CPNE4: variants seen among roughly 807,000 people sequenced by gnomAD.
CPNE4 encodes the protein copine-4.
CPNE4 carries 25 observed loss-of-function variants against 67.9 expected under a neutral mutation model. The ratio of observed to expected loss-of-function variants is 0.37; its 90% CI spans 0.27 to 0.51. The LOEUF (loss-of-function observed/expected upper bound fraction) is 0.51. CPNE4 is among the 20% of genes least tolerant of loss of function. The probability of loss-of-function intolerance (pLI) is 0.93; values close to 1 mark genes in which losing one functional copy is unlikely to be tolerated. For missense variants in CPNE4, 464 were observed against 690.8 expected (o/e 0.67, Z 3.68); for synonymous variants, 242 against 244.9 (o/e 0.99, Z 0.11).
chr3:131,777,222 A>T (rs1047249133), intron 2 of CPNE4, among the ~76,000 whole-genome samples: 4 of 151,974 alleles, frequency 2.6e-5, no homozygotes, highest in Non-Finnish European at 5.9e-5. Context: ...TTTGAACCTA[A>T]CCTCTCCTGA....
chr3:131,900,710 T>C (rs886518494), intron 2 of CPNE4, among the ~76,000 whole-genome samples: 1 of 152,050 alleles, frequency 6.6e-6, no homozygotes, highest in Non-Finnish European at 1.5e-5. Context: ...GGAAATAACA[T>C]AAGTGGATGG....
chr3:132,009,995 A>G (rs2073710301), intron 1 of CPNE4, among the ~76,000 whole-genome samples: 1 of 152,228 alleles, frequency 6.6e-6, no homozygotes, highest in Non-Finnish European at 1.5e-5. Flanking sequence ...CTAAACAGAT[A>G]AGGAAGTGCC....
chr3:131,632,952 C>G (rs2079271010), intron 7 of CPNE4, among the ~76,000 whole-genome samples: 1 of 152,154 alleles, frequency 6.6e-6, no homozygotes, highest in African/African-American at 2.4e-5. Flanking sequence ...TCCCGTATCT[C>G]TCCAGTCCAG....
rs2083761542 is a variant in CPNE4, at chr3:131,792,621, A to ATATATATATACACACGTGTATATATG, written c.181-69022_181-68997dup. On this transcript the variant is annotated intron_variant, in intron 2 of 15. Coordinates refer to ENST00000429747, the MANE Select transcript of CPNE4 (RefSeq NM_130808.3). Reference sequence around the variant, plus strand: ...TGTATATGTGTGTGTGTATATATGTATATATATATACACACGTGTATATAT... The same window carrying ATATATATATACACACGTGTATATATG: ...TGTATATGTGTGTGTGTATATATGTATATATATATACACACGTGTATATATGTATATATATACACACGTGTATATAT... Among the ~76,000 whole-genome samples, 5 of 60,894 alleles carry ATATATATATACACACGTGTATATATG rather than the reference A, an allele frequency of 8.2e-5. 1 individual carries two copies. The highest frequency in any genetic ancestry group is 6.1e-4 in the South Asian group (1 of 1,630). The allele number at this position is 60,894 out of a possible 152,430, so 39.9% of individuals were successfully genotyped here. A position where few individuals can be genotyped will look rare whatever the true frequency, so the allele number is the denominator to read the frequency against.
rs1157512448 is a variant in CPNE4 at position 132,030,122 on chromosome 3, G to A, written c.-2+4445C>T. On this transcript the variant is annotated intron_variant, in intron 1 of 15. Coordinates refer to ENST00000429747, the MANE Select transcript of CPNE4 (RefSeq NM_130808.3). The stretch of plus-strand genomic sequence containing the variant: ...TCTAATGGAGGTGGGAGACACCCCC[G>A]CAATCATCCCTAACTCATACTTAAT... Among the ~76,000 whole-genome samples, 9 of 152,128 alleles carry A rather than the reference G, an allele frequency of 5.9e-5. No individual in the cohort carries two copies. In the South Asian group the frequency reaches 1.7e-3, roughly 28 times the overall value.
chr3:131,704,715 A>C (rs558746059), intron 3 of CPNE4, among the ~76,000 whole-genome samples: 1 of 152,194 alleles, frequency 6.6e-6, no homozygotes, highest in African/African-American at 2.4e-5. Flanking sequence ...ATGATCATTT[A>C]TGAAATGTCA....
intron 7 of CPNE4, among the ~76,000 whole-genome samples, chr3:131,603,904 G>T (rs1939353534): frequency 6.6e-6 from 1 of 152,110 alleles, no homozygotes; most frequent in Non-Finnish European, 1.5e-5. Context: ...AGGGGCTAAA[G>T]GCTGTCTTAC....
At chr3:131,680,921 G>C (rs1473403761) in intron 6 of CPNE4, among the ~76,000 whole-genome samples, 2 of 152,038 alleles carry the variant, frequency 1.3e-5, no homozygotes, top group East Asian at 1.9e-4. Context: ...TATAATATTT[G>C]GTTTTCCATT....
chr3:132,033,910 A>T (rs2074293871), intron 1 of CPNE4, among the ~76,000 whole-genome samples: 2 of 152,190 alleles, frequency 1.3e-5, no homozygotes, highest in Non-Finnish European at 2.9e-5. Context: ...TGGTCCCTCC[A>T]GTCCCGTCCC....
chr3:131,685,291 T>C (rs1057193293), intron 6 of CPNE4, among the ~76,000 whole-genome samples: 1 of 152,136 alleles, frequency 6.6e-6, no homozygotes, highest in East Asian at 1.9e-4. Flanking sequence ...CATTAAATGA[T>C]AGCTAGTATT....
chr3:131,908,969 G>A (rs200731217), intron 1 of CPNE4, among the ~76,000 whole-genome samples: 1 of 152,126 alleles, frequency 6.6e-6, no homozygotes, highest in East Asian at 1.9e-4. Flanking sequence ...TATTGTTATT[G>A]TGCTCTGACT....
intron 7 of CPNE4, among the ~76,000 whole-genome samples, chr3:131,595,149 A>AAT: frequency 6.6e-6 from 1 of 152,332 alleles, no homozygotes; most frequent in East Asian, 1.9e-4. Context: ...TATGGAAAAC[A>AAT]ATATGGAGGT....
At chr3:131,849,760 A>G (rs2086163758) in intron 2 of CPNE4, among the ~76,000 whole-genome samples, 1 of 152,178 alleles carries the variant, frequency 6.6e-6, no homozygotes, top group East Asian at 1.9e-4. Context: ...GAAGAAAATG[A>G]AAAATTCATG....
Position 131,785,358 on chromosome 3 carries a change from T to C in CPNE4, c.181-61733A>G, listed in dbSNP as rs551961189. ...TTTCCAACACCTGCAACTCTCTTCT[T>C]CCAGATACCGGCTTCATTACCTCCC... On this transcript the variant is annotated intron_variant, in intron 2 of 15. Transcript: ENST00000429747. 2.0e-5 allele frequency among the ~76,000 whole-genome samples: 3 copies of C among 152,180 alleles called. No homozygotes were observed. In the East Asian group the frequency reaches 5.8e-4, roughly 30 times the overall value.
intron 1 of CPNE4, among the ~76,000 whole-genome samples, chr3:131,988,001 G>A (rs1243549474): frequency 2.6e-5 from 4 of 152,158 alleles, no homozygotes; most frequent in African/African-American, 9.7e-5. Context: ...AGGGCAAATA[G>A]TTAGTGTGAT....
intron 2 of CPNE4, among the ~76,000 whole-genome samples, chr3:131,837,493 A>C (rs1467031653): frequency 2.0e-5 from 3 of 152,152 alleles, no homozygotes. Flanking sequence ...ACAAAATTAC[A>C]GTGATGGAGA....
At chr3:131,890,607 A>C (rs745420328) in intron 2 of CPNE4, among the ~76,000 whole-genome samples, 9 of 152,118 alleles carry the variant, frequency 5.9e-5, no homozygotes, top group Non-Finnish European at 1.3e-4. Flanking sequence ...TATATTCAAA[A>C]GAACTGAAAT....
At chr3:131,601,795 C>T (rs568281067) in intron 7 of CPNE4, among the ~76,000 whole-genome samples, 1 of 152,228 alleles carries the variant, frequency 6.6e-6, no homozygotes, top group South Asian at 2.1e-4. Context: ...GTGCAAGTAT[C>T]TCAAAGCACT....
At chr3:131,803,919 T>C (rs1432929792) in intron 2 of CPNE4, among the ~76,000 whole-genome samples, 1 of 152,218 alleles carries the variant, frequency 6.6e-6, no homozygotes, top group Non-Finnish European at 1.5e-5. Context: ...TTATTAAGGT[T>C]TGACTCCATC....
Sources: allele counts gnomAD v4.1 joint callset (sites outside exome capture counted in the v4.1 genomes callset), GRCh38; gene constraint gnomAD v4.1.1; transcripts MANE v1.5; gene names NCBI Gene and HGNC (gene_info 2026-07-23, HGNC 2026-07-21).